The following PREX2 variants were observed in gnomAD, a reference collection of about 807,000 sequenced individuals.
PREX2 encodes the protein phosphatidylinositol-3,4,5-trisphosphate dependent Rac exchange factor 2.
A neutral mutation model predicts 203.2 loss-of-function variants in PREX2; 107 were observed. That is an observed-to-expected ratio of 0.53 (90% CI 0.45 to 0.62). The LOEUF is 0.62. Among genes scored for constraint, PREX2 ranks in the 20% least tolerant of loss-of-function variants. The pLI is 0.00. For missense variants in PREX2, 1,777 were observed against 1,955.9 expected, an observed-to-expected ratio of 0.91 and a Z score of 1.72; for synonymous variants, 672 against 663.6, an observed-to-expected ratio of 1.01 and a Z score of -0.19.
chr8:67,989,863 A>G (rs1002118318), intron 1 of PREX2, among the ~76,000 whole-genome samples: 1 of 152,250 alleles, frequency 6.6e-6, no homozygotes, highest in Admixed American at 6.5e-5. Flanking sequence ...GTTTTTAAAT[A>G]TGCAGCTGAT....
In PREX2 at chr8:68,231,495, T is replaced by TTC; in HGVS notation, c.*117_*118insTC. 1.4e-6 allele frequency: 1 copy of TTC among 711,916 alleles called. No homozygotes were observed. The highest frequency in any genetic ancestry group is 2.1e-6 in the Non-Finnish European group (1 of 471,088). The allele number at this position is 711,916 out of a possible 1,614,324, so 44.1% of individuals were successfully genotyped here. On this transcript the variant is annotated 3_prime_UTR_variant, in exon 40 of 40. Coordinates refer to ENST00000288368, the MANE Select transcript of PREX2 (RefSeq NM_024870.4). ...ATCAATGCTTTTTTTTTTTTTTTTTTCTGTAAATCTTTCTTCCCATTGCAA... is the reference window on the plus strand; with the variant it reads ...ATCAATGCTTTTTTTTTTTTTTTTTTTCCTGTAAATCTTTCTTCCCATTGCAA...
rs1381660106 is a variant in PREX2 at position 68,065,528 on chromosome 8, TA to T, written c.1340-3501del. 2.0e-5 allele frequency among the ~76,000 whole-genome samples: 3 copies of T among 152,252 alleles called. No homozygotes were observed. The East Asian group carries it at 5.8e-4, about 29-fold the overall frequency. ...TGTAGAACGTTTGAATAGGCTGGGG[TA>T]AAAGAGCTGAAACTTCACATATGTA... On this transcript the variant is annotated intron_variant, in intron 11 of 39. Coordinates refer to ENST00000288368, the MANE Select transcript of PREX2 (RefSeq NM_024870.4).
At chr8:67,957,762 A>G (rs1256497294) in intron 1 of PREX2, among the ~76,000 whole-genome samples, 1 of 152,230 alleles carries the variant, frequency 6.6e-6, no homozygotes. Context: ...TTGATTCAGC[A>G]CATTATGCTT....
chr8:68,108,866 A>G (rs1810473827), intron 24 of PREX2: 1 of 220,566 alleles, frequency 4.5e-6, no homozygotes, highest in African/African-American at 2.3e-5. Context: ...CCACTCAGCC[A>G]TAAAAAGAAG....
chr8:68,071,254 G>T (rs1460103527), intron 13 of PREX2, among the ~76,000 whole-genome samples: 1 of 152,010 alleles, frequency 6.6e-6, no homozygotes, highest in Non-Finnish European at 1.5e-5. Context: ...GAATTTATGG[G>T]AAAAAACCAT....
intron 35 of PREX2, among the ~76,000 whole-genome samples, chr8:68,161,867 G>T (rs1053661119): frequency 8.5e-5 from 13 of 152,150 alleles, no homozygotes; most frequent in African/African-American, 3.1e-4. Flanking sequence ...CCAGGACTGG[G>T]TAATTATAAA....
At chr8:68,107,103 A>G (rs1478143441) in intron 23 of PREX2, among the ~76,000 whole-genome samples, 1 of 152,154 alleles carries the variant, frequency 6.6e-6, no homozygotes, top group Non-Finnish European at 1.5e-5. Flanking sequence ...ATATAATAGG[A>G]AGGTTACAGC....
Position 68,120,275 on chromosome 8 carries a change from G to A in PREX2, c.3584G>A (p.Arg1195Gln), listed in dbSNP as rs995332079. 6 of 1,612,946 alleles carry A rather than the reference G, an allele frequency of 3.7e-6. No individual in the cohort carries two copies. The highest frequency in any genetic ancestry group is 1.6e-4 in the Middle Eastern group (1 of 6,084). Residue 1195 changes from arginine (R) to glutamine (Q), a missense_variant, in exon 29 of 40, where the codon CGA becomes CAA. Coordinates refer to ENST00000288368, the MANE Select transcript of PREX2 (RefSeq NM_024870.4). ...FDQTKYLTPG[R>Q]GLQEFQQEME... Reference sequence around the variant, plus strand: ...CAAACCAAGTATCTCACTCCAGGCCGAGGATTGCAAGGTAAGCCTTGAAAA... The same window carrying A: ...CAAACCAAGTATCTCACTCCAGGCCAAGGATTGCAAGGTAAGCCTTGAAAA...
chr8:67,980,956 G>T (rs1238716309), intron 1 of PREX2, among the ~76,000 whole-genome samples: 1 of 152,168 alleles, frequency 6.6e-6, no homozygotes, highest in African/African-American at 2.4e-5. Flanking sequence ...ACTGCGCGTG[G>T]CTTTCTTCAT....
intron 21 of PREX2, among the ~76,000 whole-genome samples, chr8:68,096,312 T>C (rs1476365381): frequency 6.6e-6 from 1 of 152,222 alleles, no homozygotes; most frequent in Non-Finnish European, 1.5e-5. Flanking sequence ...ATATTTACTG[T>C]TTATGCTATT....
In PREX2 at chr8:68,227,540, A is replaced by G. The variant is rs76502601; in HGVS notation, c.4775+2914A>G. On this transcript the variant is annotated intron_variant, in intron 39 of 39. Coordinates refer to ENST00000288368, the MANE Select transcript of PREX2 (RefSeq NM_024870.4). ...CAAGGAGAAAAGAATAGGTGGCACT[A>G]TAGTCCTATGAGTCTTCGATATTTA... Among the ~76,000 whole-genome samples the G allele has an allele frequency of 4.1e-3, 619 of 152,298 alleles. 5 individuals are homozygous for G. The highest frequency in any genetic ancestry group is 0.014 in the African/African-American group (582 of 41,568).
chr8:68,122,199 T>C (rs900148968), intron 30 of PREX2, among the ~76,000 whole-genome samples: 3 of 152,126 alleles, frequency 2.0e-5, no homozygotes, highest in African/African-American at 7.2e-5. Flanking sequence ...GTCTTCTGCA[T>C]AGACTTATAC....
intron 31 of PREX2, among the ~76,000 whole-genome samples, chr8:68,131,771 C>T (rs1585817397): frequency 6.6e-6 from 1 of 152,186 alleles, no homozygotes; most frequent in East Asian, 1.9e-4. Flanking sequence ...AGTTATTAAT[C>T]CTGGTGATTT....
chr8:67,986,492 C>T (rs999616504), intron 1 of PREX2, among the ~76,000 whole-genome samples: 1 of 152,158 alleles, frequency 6.6e-6, no homozygotes, highest in Non-Finnish European at 1.5e-5. Context: ...GGCTTGTCTA[C>T]GTGCAAATGA....
chr8:68,105,731 A>ATATATATATATACATATATATG (rs1491508462), intron 23 of PREX2: 7 of 46,186 alleles, frequency 1.5e-4, no homozygotes, highest in African/African-American at 1.3e-3. Context: ...ATACACACAC[A>ATATATATATATACATATATATG]TATATATATA....
At chr8:68,140,026 A>G (rs1359043427) in intron 33 of PREX2, among the ~76,000 whole-genome samples, 1 of 152,246 alleles carries the variant, frequency 6.6e-6, no homozygotes, top group East Asian at 1.9e-4. Flanking sequence ...CTGTAAGTTC[A>G]TAGGAGTACT....
At position 68,235,569 on chromosome 8, in the gene PREX2, T is replaced by C. The variant is rs1813250724; in HGVS notation, c.*4191T>C. 1 of 152,190 alleles carries C rather than the reference T, an allele frequency of 6.6e-6. No homozygotes were observed. Among genetic ancestry groups the C allele is most frequent in the Non-Finnish European group, 1.5e-5 (1 of 68,020 alleles). The allele number at this position is 152,190 out of a possible 1,614,324, so 9.4% of individuals were successfully genotyped here. On this transcript the variant is annotated 3_prime_UTR_variant, in exon 40 of 40. Coordinates refer to ENST00000288368, the MANE Select transcript of PREX2 (RefSeq NM_024870.4). ...TGATTGAGAAAAATAATCTGTCTTC[T>C]ATCGAATGTTTGAACTTTTAGTGAT...
chr8:67,975,694 C>CTTTTTTTT lies in PREX2; in HGVS notation c.141+23179_141+23186dup, dbSNP rs67614434. ...TCAGGATAGTAACTGATTTCTCTTT[C>CTTTTTTTT]TTTTTTTTTTTTTTTTTTTTTTTTT... On this transcript the variant is annotated intron_variant, in intron 1 of 39. Transcript: ENST00000288368. Among the ~76,000 whole-genome samples the CTTTTTTTT allele has an allele frequency of 4.3e-3, 323 of 74,998 alleles. 53 individuals are homozygous for CTTTTTTTT. The highest frequency in any genetic ancestry group is 0.011 in the African/African-American group (187 of 16,848). The allele number at this position is 74,998 out of a possible 152,430, so 49.2% of individuals were successfully genotyped here.
chr8:68,089,580 T>G (rs1809806003), intron 19 of PREX2, among the ~76,000 whole-genome samples: 1 of 152,204 alleles, frequency 6.6e-6, no homozygotes, highest in Non-Finnish European at 1.5e-5. Flanking sequence ...AGCAAGGCCA[T>G]TTTTCAGGCT....
Sources: gnomAD v4.1 joint callset for allele counts (sites outside exome capture counted in the v4.1 genomes callset) on GRCh38, gnomAD v4.1.1 for gene constraint, MANE v1.5 for transcripts, NCBI Gene and HGNC (gene_info 2026-07-23, HGNC 2026-07-21) for gene names.